Variants in ZPBP observed in about 807,000 individuals in gnomAD.
ZPBP encodes zona pellucida-binding protein 1.
In ZPBP, 26 loss-of-function variants were observed where a neutral mutation model predicts 44.8. That is an observed-to-expected ratio of 0.58 (90% CI 0.43 to 0.81). The LOEUF (loss-of-function observed/expected upper bound fraction) is 0.81. Among genes scored for constraint, ZPBP ranks in the 30% least tolerant of loss-of-function variants. ZPBP has a pLI of 0.00. For synonymous variants in ZPBP, 174 were observed against 153.2 expected (o/e 1.14, Z -1.00); for missense variants, 409 against 434.0 (o/e 0.94, Z 0.51).
At chr7:49,875,900 A>C (rs1195745494) in intron 2 of ZPBP, among the ~76,000 whole-genome samples, 1 of 152,172 alleles carries the variant, frequency 6.6e-6, no homozygotes, top group Non-Finnish European at 1.5e-5. Context: ...CCTGGCATCG[A>C]CTATGATATC....
At chr7:49,981,307 T>TTA (rs377259225) in intron 7 of ZPBP, among the ~76,000 whole-genome samples, 1,111 of 54,894 alleles carry the variant, frequency 0.02, 5 homozygotes, top group Non-Finnish European at 0.034. Flanking sequence ...TTATATATAA[T>TTA]TATATATTAT....
chr7:50,036,784 A>G (rs1213371821), intron 4 of ZPBP, among the ~76,000 whole-genome samples: 2 of 152,132 alleles, frequency 1.3e-5, no homozygotes, highest in Non-Finnish European at 2.9e-5. Context: ...GAAAGAAAAT[A>G]AGTGAGCTAA....
chr7:49,983,551 A>T (rs1248423471), intron 6 of ZPBP, 32 bp from the exon 7 acceptor site: 1 of 1,387,652 alleles, frequency 7.2e-7, no homozygotes, highest in Admixed American at 2.0e-5. Context: ...ATAAACTGTT[A>T]GCCATAAAAA....
intron 5 of ZPBP, among the ~76,000 whole-genome samples, chr7:50,022,713 A>G (rs1036682363): frequency 3.9e-5 from 6 of 152,186 alleles, no homozygotes; most frequent in Non-Finnish European, 7.4e-5. Context: ...TCTTAGACCC[A>G]TCAGAAAATT....
intron 2 of ZPBP, among the ~76,000 whole-genome samples, chr7:49,858,557 G>T (rs748278667): frequency 4.2e-5 from 6 of 141,854 alleles, no homozygotes; most frequent in African/African-American, 7.8e-5. Flanking sequence ...GCCTGTTGTG[G>T]GGTGGGGGAG....
At chr7:49,993,453 C>T (rs1797654850) in intron 6 of ZPBP, among the ~76,000 whole-genome samples, 1 of 152,142 alleles carries the variant, frequency 6.6e-6, no homozygotes, top group African/African-American at 2.4e-5. Flanking sequence ...TTGATTGAAA[C>T]ATTCCAATTA....
At chr7:49,869,340 C>T (rs1791037757) in intron 2 of ZPBP, among the ~76,000 whole-genome samples, 1 of 152,156 alleles carries the variant, frequency 6.6e-6, no homozygotes, top group East Asian at 1.9e-4. Flanking sequence ...GGAAGTAATA[C>T]TGAACAAGGT....
intron 2 of ZPBP, among the ~76,000 whole-genome samples, chr7:49,878,989 C>T (rs1303164543): frequency 6.6e-6 from 1 of 152,170 alleles, no homozygotes; most frequent in Non-Finnish European, 1.5e-5. Flanking sequence ...CCACGATATT[C>T]TTTATGTCAC....
chr7:49,934,286 G>C (rs777692812), downstream of ZPBP, among the ~76,000 whole-genome samples: 30 of 152,124 alleles, frequency 2.0e-4, no homozygotes, highest in Non-Finnish European at 4.0e-4. Context: ...AACAAACTTG[G>C]TGCTTTTTTA....
chr7:49,883,419 G>A (rs1791766810), intron 2 of ZPBP, among the ~76,000 whole-genome samples: 1 of 152,076 alleles, frequency 6.6e-6, no homozygotes, highest in African/African-American at 2.4e-5. Flanking sequence ...GAAAAAAGGT[G>A]AATTATGTTC....
chr7:49,902,275 C>T (rs1449445629), intron 1 of ZPBP, among the ~76,000 whole-genome samples: 1 of 151,672 alleles, frequency 6.6e-6, no homozygotes, highest in Non-Finnish European at 1.5e-5. Context: ...AAAACATTTG[C>T]AAAAGACATA....
intron 2 of ZPBP, among the ~76,000 whole-genome samples, chr7:49,856,313 G>A (rs1302693618): frequency 6.6e-6 from 1 of 152,062 alleles, no homozygotes; most frequent in Non-Finnish European, 1.5e-5. Flanking sequence ...GTGAAATCTG[G>A]TTGTTTAGAG....
chr7:50,083,550 A>T (rs1802477972), intron 2 of ZPBP, among the ~76,000 whole-genome samples: 1 of 152,002 alleles, frequency 6.6e-6, no homozygotes, highest in African/African-American at 2.4e-5. Flanking sequence ...ATCTGAAAGA[A>T]TTCTATAACA....
At chr7:49,902,961 C>T (rs577268057) in intron 1 of ZPBP, among the ~76,000 whole-genome samples, 1 of 151,800 alleles carries the variant, frequency 6.6e-6, no homozygotes, top group Non-Finnish European at 1.5e-5. Flanking sequence ...AGGCAAAATA[C>T]ATGAAGAGTC....
rs556806830 is a variant in ZPBP, at chr7:50,058,892, T to C, written c.335-751A>G. Reference sequence around the variant, plus strand: ...GACACTTGGGGTTTGAGACCTACCTTTCCCTCTCACAAACTGTAACCATGA... The same window carrying C: ...GACACTTGGGGTTTGAGACCTACCTCTCCCTCTCACAAACTGTAACCATGA... On this transcript the variant is annotated intron_variant, in intron 3 of 7. Transcript: ENST00000046087. 3.3e-5 allele frequency among the ~76,000 whole-genome samples: 5 copies of C among 152,328 alleles called. No homozygotes were observed. In the East Asian group the frequency reaches 9.6e-4, roughly 29 times the overall value.
At chr7:50,021,220 T>C (rs1799077566) in intron 5 of ZPBP, among the ~76,000 whole-genome samples, 1 of 152,224 alleles carries the variant, frequency 6.6e-6, no homozygotes, top group Middle Eastern at 3.4e-3. Context: ...ATAAAAACTC[T>C]AAATCAGCTA....
intron 2 of ZPBP, among the ~76,000 whole-genome samples, chr7:49,897,972 C>A (rs912020083): frequency 1.3e-5 from 2 of 152,168 alleles, no homozygotes; most frequent in Non-Finnish European, 2.9e-5. Context: ...TTGTGTTCTT[C>A]TCAGTTCTCA....
At chr7:49,927,073 A>T (rs974566008) in intron 1 of ZPBP, among the ~76,000 whole-genome samples, 1 of 152,176 alleles carries the variant, frequency 6.6e-6, no homozygotes, top group Admixed American at 6.5e-5. Flanking sequence ...CCATACCTTC[A>T]TTCTGTGCTA....
intron 7 of ZPBP, among the ~76,000 whole-genome samples, chr7:49,966,443 G>A (rs1796066694): frequency 6.6e-6 from 1 of 151,880 alleles, no homozygotes. Flanking sequence ...CATACACCAG[G>A]CCATAAAACA....
Sources: allele counts gnomAD v4.1 joint callset (sites outside exome capture counted in the v4.1 genomes callset), GRCh38; gene constraint gnomAD v4.1.1; transcripts MANE v1.5; gene names NCBI Gene and HGNC (gene_info 2026-07-23, HGNC 2026-07-21).